PLXDC2: variants seen among roughly 807,000 people sequenced by gnomAD.
The protein encoded by PLXDC2 is plexin domain containing 2, also known as plexin domain-containing protein 2.
Under a neutral mutation model 68.9 loss-of-function variants are expected in PLXDC2, and 40 were observed. The observed-to-expected ratio is 0.58, with a 90% CI of 0.45 to 0.76. The LOEUF is 0.76. Ranked by LOEUF, PLXDC2 falls within the 30% of genes least tolerant of loss-of-function variation. The pLI is 0.00. For missense variants in PLXDC2, 644 were observed against 661.9 expected, an observed-to-expected ratio of 0.97 and a Z score of 0.30; for synonymous variants, 243 against 234.2, an observed-to-expected ratio of 1.04 and a Z score of -0.34.
chr10:20,055,039 A>T (rs1270608511), intron 3 of PLXDC2, among the ~76,000 whole-genome samples: 1 of 152,084 alleles, frequency 6.6e-6, no homozygotes, highest in Non-Finnish European at 1.5e-5. Context: ...AGGAAGATTG[A>T]TTCTTTAAAT....
At chr10:19,972,198 TGCTTATCAGTGTTG>T (rs1564643768) in intron 1 of PLXDC2, among the ~76,000 whole-genome samples, 1 of 152,226 alleles carries the variant, frequency 6.6e-6, no homozygotes. Context: ...TATATCTGGC[TGCTTATCAGTGTTG>T]GACTGGATAA....
chr10:20,074,935 A>G (rs549819213), intron 4 of PLXDC2, among the ~76,000 whole-genome samples: 3 of 152,292 alleles, frequency 2.0e-5, no homozygotes, highest in African/African-American at 7.2e-5. Flanking sequence ...GGAAGATACT[A>G]AAGAGATAGA....
intron 4 of PLXDC2, among the ~76,000 whole-genome samples, chr10:20,098,342 C>CGTGTGTGTGTGT (rs1833378165): frequency 9.8e-6 from 1 of 101,750 alleles, no homozygotes; most frequent in Non-Finnish European, 2.0e-5. Context: ...CCGTCATTTT[C>CGTGTGTGTGTGT]GTGCGTGTGT....
chr10:20,059,993 T>G (rs1187161808), intron 3 of PLXDC2, among the ~76,000 whole-genome samples: 3 of 152,186 alleles, frequency 2.0e-5, no homozygotes, highest in Admixed American at 2.0e-4. Flanking sequence ...CTATCAATTT[T>G]AACATTTTTC....
rs1408143677 is a variant in PLXDC2 at position 20,289,823 on chromosome 10, T to C, written c.*10004T>C. On this transcript the variant is annotated 3_prime_UTR_variant, in exon 14 of 14. Transcript: ENST00000377252. ...TTGGACTGTACTGATTAAACTTTGA[T>C]ATTGTGGAGTAAATTCAGAAGTGCA... is the stretch of plus-strand genomic sequence containing the variant. 2 of 152,188 alleles carry C rather than the reference T, an allele frequency of 1.3e-5. No homozygotes were observed. Among genetic ancestry groups the C allele is most frequent in the Non-Finnish European group, 2.9e-5 (2 of 68,038 alleles). 9.4% of individuals were successfully genotyped at this position (152,188 alleles called of 1,614,324 possible). A position where few individuals can be genotyped will look rare whatever the true frequency, so the allele number is the denominator to read the frequency against.
intron 10 of PLXDC2, among the ~76,000 whole-genome samples, chr10:20,216,330 A>T (rs11011878): frequency 0.38 from 58,520 of 152,010 alleles, 11,667 homozygotes; most frequent in Non-Finnish European, 0.44. Flanking sequence ...CTACAGATAT[A>T]GTCCAGGGTG....
chr10:19,974,220 A>G (rs1351863508), intron 1 of PLXDC2, among the ~76,000 whole-genome samples: 1 of 152,202 alleles, frequency 6.6e-6, no homozygotes. Flanking sequence ...TACTTATGTC[A>G]TGTTTGCATC....
At chr10:20,126,033 CA>C (rs1833769786) in intron 4 of PLXDC2, among the ~76,000 whole-genome samples, 1 of 147,840 alleles carries the variant, frequency 6.8e-6, no homozygotes, top group Non-Finnish European at 1.5e-5. Flanking sequence ...TACACACATA[CA>C]TTTGTACATT....
chr10:20,201,640 C>CA (rs974929049), intron 9 of PLXDC2, among the ~76,000 whole-genome samples: 12 of 151,800 alleles, frequency 7.9e-5, no homozygotes, highest in Non-Finnish European at 1.5e-4. Flanking sequence ...GTTCCTAACA[C>CA]AAAGAAATGA....
intron 13 of PLXDC2, among the ~76,000 whole-genome samples, chr10:20,249,973 T>G (rs1288715678): frequency 6.6e-6 from 1 of 152,032 alleles, no homozygotes; most frequent in African/African-American, 2.4e-5. Flanking sequence ...TATGGTGAAA[T>G]TGAATGATGC....
At chr10:20,077,594 CT>C (rs1410834007) in intron 4 of PLXDC2, among the ~76,000 whole-genome samples, 1 of 152,092 alleles carries the variant, frequency 6.6e-6, no homozygotes, top group Non-Finnish European at 1.5e-5. Context: ...GAAGCTTCTC[CT>C]GAAGGCAAAG....
At chr10:20,193,170 G>C (rs970087373) in intron 9 of PLXDC2, among the ~76,000 whole-genome samples, 1 of 152,048 alleles carries the variant, frequency 6.6e-6, no homozygotes, top group Non-Finnish European at 1.5e-5. Context: ...TTCTATGTTA[G>C]TGCAATTATT....
chr10:19,986,578 A>C (rs1355656154), intron 1 of PLXDC2, among the ~76,000 whole-genome samples: 2 of 151,584 alleles, frequency 1.3e-5, no homozygotes, highest in Non-Finnish European at 2.9e-5. Flanking sequence ...TACAAAAAGA[A>C]ATGATCCCAG....
At chr10:20,146,518 T>TCCTTCCTCCCTC (rs1217081598) in intron 5 of PLXDC2, among the ~76,000 whole-genome samples, 4 of 115,630 alleles carry the variant, frequency 3.5e-5, no homozygotes, top group Non-Finnish European at 3.6e-5. Flanking sequence ...CTTCCTTCCT[T>TCCTTCCTCCCTC]CCTCCCTCCC....
chr10:19,977,121 A>G (rs1202477725), intron 1 of PLXDC2, among the ~76,000 whole-genome samples: 1 of 152,086 alleles, frequency 6.6e-6, no homozygotes, highest in African/African-American at 2.4e-5. Context: ...CATTCTTCAG[A>G]TGTTGTGAAG....
At chr10:19,829,906 A>C (rs1263638176) in intron 1 of PLXDC2, among the ~76,000 whole-genome samples, 1 of 152,204 alleles carries the variant, frequency 6.6e-6, no homozygotes, top group Non-Finnish European at 1.5e-5. Context: ...GGGATACTTT[A>C]ATCGGTGTTA....
chr10:20,022,279 T>C (rs1178470691), intron 2 of PLXDC2, among the ~76,000 whole-genome samples: 1 of 152,216 alleles, frequency 6.6e-6, no homozygotes, highest in East Asian at 1.9e-4. Flanking sequence ...ATGAAGCAGA[T>C]ACAAATGGAG....
At chr10:20,197,698 G>A (rs970651312) in intron 9 of PLXDC2, among the ~76,000 whole-genome samples, 5 of 151,518 alleles carry the variant, frequency 3.3e-5, no homozygotes, top group African/African-American at 4.9e-5. Context: ...TTGCTCTGTC[G>A]CCCAAGCTGA....
At chr10:20,123,324 G>A (rs2131763988) in intron 4 of PLXDC2, among the ~76,000 whole-genome samples, 1 of 152,222 alleles carries the variant, frequency 6.6e-6, no homozygotes, top group South Asian at 2.1e-4. Flanking sequence ...GGGAAAGAAG[G>A]AAGATTTGGG....
Sources: gnomAD v4.1 joint callset for allele counts (sites outside exome capture counted in the v4.1 genomes callset) on GRCh38, gnomAD v4.1.1 for gene constraint, MANE v1.5 for transcripts, NCBI Gene and HGNC (gene_info 2026-07-23, HGNC 2026-07-21) for gene names.